BCAS3: variants seen among roughly 807,000 people sequenced by gnomAD.
The protein encoded by BCAS3 is BCAS4/BCAS3 fusion.
In BCAS3, 53 loss-of-function variants were observed where a neutral mutation model predicts 116.1. The observed-to-expected ratio is 0.46, with a 90% CI of 0.37 to 0.57. The LOEUF (loss-of-function observed/expected upper bound fraction) is 0.57. Ranked by LOEUF, BCAS3 falls within the 20% of genes least tolerant of loss-of-function variation. BCAS3 has a pLI of 0.00. For missense variants in BCAS3, 917 were observed against 1,165.4 expected (o/e 0.79, Z 3.10); for synonymous variants, 391 against 408.2 (o/e 0.96, Z 0.51).
chr17:60,975,602 T>C (rs1054924311), intron 14 of BCAS3, among the ~76,000 whole-genome samples: 1 of 152,224 alleles, frequency 6.6e-6, no homozygotes. Flanking sequence ...AGTAGTTTTT[T>C]AGTATATTCA....
At chr17:60,751,088 C>T (rs8076615) in intron 6 of BCAS3, among the ~76,000 whole-genome samples, 110,315 of 152,142 alleles carry the variant, frequency 0.73, 45,697 homozygotes, top group South Asian at 0.98. Flanking sequence ...CTGTAGAAAG[C>T]CTGTCCCCTA....
chr17:61,246,471 G>GAAAA (rs1007852809), intron 22 of BCAS3, among the ~76,000 whole-genome samples: 2 of 33,426 alleles, frequency 6.0e-5, no homozygotes, highest in Admixed American at 3.6e-4. Flanking sequence ...GACTGTCTCA[G>GAAAA]AAAAAAAAAA....
intron 12 of BCAS3, among the ~76,000 whole-genome samples, chr17:60,919,128 G>T (rs970583048): frequency 6.6e-6 from 1 of 151,936 alleles, no homozygotes; most frequent in Non-Finnish European, 1.5e-5. Context: ...TTGTAATGTT[G>T]TCTGTGTCTG....
chr17:60,768,364 A>C (rs954147590), intron 6 of BCAS3, among the ~76,000 whole-genome samples: 1 of 152,184 alleles, frequency 6.6e-6, no homozygotes. Context: ...GACACCATCT[A>C]ATTAGCTGCT....
chr17:61,011,942 A>C (rs2065139115), intron 15 of BCAS3, among the ~76,000 whole-genome samples: 1 of 152,040 alleles, frequency 6.6e-6, no homozygotes, highest in Admixed American at 6.6e-5. Context: ...TCATTTTACT[A>C]ACTTCTGATG....
In BCAS3 at chr17:61,256,250, TTTTGTTTG is replaced by T. The variant is rs75288690; in HGVS notation, c.2426-112053_2426-112046del. ...TCTTCAAGCCAAGAGGTAGTTTGGT[TTTTGTTTG>T]TTTGTTTGTTTGTTTGTTTGTTTTT... On this transcript the variant is annotated intron_variant, in intron 22 of 23. Transcript: ENST00000407086. This position sits in a 1 kb window ranked among gnomAD's most constrained non-coding sequence, Gnocchi z 5.6. 5.1e-4 allele frequency among the ~76,000 whole-genome samples: 77 copies of T among 151,702 alleles called. 1 individual carries two copies. In the South Asian group the frequency reaches 6.7e-3, roughly 13 times the overall value.
In BCAS3 at chr17:60,902,698, G is replaced by A; in HGVS notation, c.817G>A (p.Ala273Thr). Residue 273 changes from alanine (A) to threonine (T), a missense_variant, in exon 11 of 24, where the codon GCT (alanine) becomes ACT (threonine). Physicochemically the swap from Ala to Thr is moderately conservative, Grantham distance 58. Around this residue, in one of 3 missense-constraint regions of BCAS3, gnomAD observed 807 missense variants for 1,026.0 expected, o/e 0.79. Transcript: ENST00000407086. ...QSYTATVISAAKTLKSGLTMV... is the reference protein window; with the variant it reads ...QSYTATVISATKTLKSGLTMV... The stretch of plus-strand genomic sequence containing the variant: ...TTATACTGCCACAGTCATTAGTGCT[G>A]CTAAAGTGAGTACCTCCGAAATCTT... The A allele has an allele frequency of 6.2e-7, 1 of 1,604,564 alleles. No homozygotes were observed.
At chr17:60,839,203 T>C (rs761921095) in intron 7 of BCAS3, among the ~76,000 whole-genome samples, 8 of 152,218 alleles carry the variant, frequency 5.3e-5, no homozygotes, top group Non-Finnish European at 8.8e-5. Flanking sequence ...CTTTGTATTA[T>C]AACTTAATTT....
Position 61,041,587 on chromosome 17 carries a change from G to A in BCAS3, c.2029+695G>A, listed in dbSNP as rs1568196681. Among the ~76,000 whole-genome samples the A allele has an allele frequency of 1.3e-5, 2 of 151,990 alleles. No homozygotes were observed. The highest frequency in any genetic ancestry group is 1.3e-4 in the Admixed American group (2 of 15,260). ...AATTTGATGGCTCTGAGTAGTGCAC[G>A]CTTTAAAGAAAATTCTTAAAAATCA... On this transcript the variant is annotated intron_variant, in intron 19 of 23. Coordinates refer to ENST00000407086, the MANE Select transcript of BCAS3 (RefSeq NM_017679.5). This position sits in a 1 kb window ranked among gnomAD's most constrained non-coding sequence, Gnocchi z 4.7.
chr17:61,300,816 TCCTCCCTCCCTCTTCTAG>T lies in BCAS3; in HGVS notation c.2426-67506_2426-67489del, dbSNP rs2053369724. On this transcript the variant is annotated intron_variant, in intron 22 of 23. Coordinates refer to ENST00000407086, the MANE Select transcript of BCAS3 (RefSeq NM_017679.5). This position sits in a 1 kb window ranked among gnomAD's most constrained non-coding sequence, Gnocchi z 5.1. ...TCTGATTTTGTTCCAGCAGCTTTCC[TCCTCCCTCCCTCTTCTAG>T]CCTCTGCCCAGGAATCATTTGTAGG... Among the ~76,000 whole-genome samples the T allele has an allele frequency of 1.3e-5, 2 of 152,108 alleles. No individual in the cohort carries two copies. Among genetic ancestry groups the T allele is most frequent in the Admixed American group, 6.6e-5 (1 of 15,258 alleles).
chr17:61,062,552 G>C (rs771603783), intron 19 of BCAS3, among the ~76,000 whole-genome samples: 5 of 152,198 alleles, frequency 3.3e-5, no homozygotes, highest in Non-Finnish European at 5.9e-5. Flanking sequence ...AGTTGCACTA[G>C]TGTGAGTTCT....
intron 7 of BCAS3, among the ~76,000 whole-genome samples, chr17:60,855,960 G>A (rs947140215): frequency 6.6e-6 from 1 of 152,318 alleles, no homozygotes; most frequent in Non-Finnish European, 1.5e-5. Flanking sequence ...TGGGATTACA[G>A]GTGTGAGCCG....
chr17:60,976,230 T>C (rs1182871718), intron 14 of BCAS3, among the ~76,000 whole-genome samples: 1 of 151,224 alleles, frequency 6.6e-6, no homozygotes, highest in Non-Finnish European at 1.5e-5. Context: ...TTCACCGTGT[T>C]AGCCAGGATG....
intron 19 of BCAS3, among the ~76,000 whole-genome samples, chr17:61,042,642 C>A (rs1411273717): frequency 6.6e-6 from 1 of 151,754 alleles, no homozygotes; most frequent in African/African-American, 2.4e-5. Flanking sequence ...AATCCCAGCA[C>A]TTTGAGAGGC....
rs767855582 is a variant in BCAS3, at chr17:61,012,623, G to C, written c.1487-3128G>C. ...ACACCACCCCTACGAACATAAACAT[G>C]AATGTAAAACCTACACAACTTACTT... On this transcript the variant is annotated intron_variant, in intron 15 of 23. Transcript: ENST00000407086. This position sits in a 1 kb window ranked among gnomAD's most constrained non-coding sequence, Gnocchi z 4.5. 3.3e-5 allele frequency among the ~76,000 whole-genome samples: 5 copies of C among 152,002 alleles called. No individual in the cohort carries two copies. Among genetic ancestry groups the C allele is most frequent in the Non-Finnish European group, 5.9e-5 (4 of 67,930 alleles).
At chr17:60,753,703 T>A (rs2042719430) in intron 6 of BCAS3, among the ~76,000 whole-genome samples, 1 of 152,104 alleles carries the variant, frequency 6.6e-6, no homozygotes, top group Non-Finnish European at 1.5e-5. Flanking sequence ...GCCACCACGC[T>A]CTGCCGCGTC....
intron 22 of BCAS3, among the ~76,000 whole-genome samples, chr17:61,274,881 C>T (rs529520216): frequency 1.3e-5 from 2 of 152,276 alleles, no homozygotes; most frequent in East Asian, 1.9e-4. Flanking sequence ...TATTTGGAGA[C>T]AGGGTCTTGC....
chr17:61,166,145 C>T (rs539197011), intron 22 of BCAS3, among the ~76,000 whole-genome samples: 102 of 152,216 alleles, frequency 6.7e-4, no homozygotes, highest in Non-Finnish European at 9.3e-4. Flanking sequence ...AACAAAGCAC[C>T]TCTCCCAGGA....
At chr17:60,911,111 C>CTT (rs143770646) in intron 12 of BCAS3, among the ~76,000 whole-genome samples, 5 of 105,816 alleles carry the variant, frequency 4.7e-5, no homozygotes, top group African/African-American at 1.2e-4. Flanking sequence ...AAATTTTTTT[C>CTT]TTTTTTTCTT....
Sources: gnomAD v4.1 joint callset for allele counts (sites outside exome capture counted in the v4.1 genomes callset) on GRCh38, gnomAD v4.1.1 for gene constraint, gnomAD v4.1.1 regional missense constraint, Gnocchi (gnomAD v3.1) non-coding constraint, MANE v1.5 for transcripts, NCBI Gene and HGNC (gene_info 2026-07-23, HGNC 2026-07-21) for gene names.